Variants in MBD5 observed in about 807,000 individuals in gnomAD.
The protein encoded by MBD5 is methyl-CpG-binding domain protein 5.
A neutral mutation model predicts 117.3 loss-of-function variants in MBD5; 13 were observed. The observed-to-expected ratio is 0.11, with a 90% CI of 0.07 to 0.18. The LOEUF (loss-of-function observed/expected upper bound fraction) is 0.18, where lower values mean the gene tolerates loss of function less well. Among genes scored for constraint, MBD5 ranks in the 10% least tolerant of loss-of-function variants. The pLI is 1.00. For synonymous variants in MBD5, 727 were observed against 766.4 expected (o/e 0.95, Z 0.85); for missense variants, 1,879 against 2,093.8 (o/e 0.90, Z 2.00).
intron 4 of MBD5, among the ~76,000 whole-genome samples, chr2:148,383,784 T>G (rs1559048395): frequency 1.3e-5 from 2 of 152,198 alleles, no homozygotes; most frequent in Non-Finnish European, 2.9e-5. Flanking sequence ...GCTTCATCCC[T>G]GGGATGCAAG....
intron 3 of MBD5, among the ~76,000 whole-genome samples, chr2:148,332,641 A>C (rs1702689006): frequency 6.6e-6 from 1 of 152,058 alleles, no homozygotes; most frequent in Non-Finnish European, 1.5e-5. Flanking sequence ...TTTAGCCTCC[A>C]GTGTTGAAAA....
chr2:148,110,112 C>T (rs1404838308), intron 1 of MBD5, among the ~76,000 whole-genome samples: 2 of 152,106 alleles, frequency 1.3e-5, no homozygotes, highest in African/African-American at 2.4e-5. Flanking sequence ...TTACAATTTA[C>T]TAAGTGCCTT....
At chr2:148,057,584 C>T (rs1259906000) in intron 1 of MBD5, among the ~76,000 whole-genome samples, 1 of 151,624 alleles carries the variant, frequency 6.6e-6, no homozygotes. Context: ...GTATGAAGAC[C>T]TTGTTACTTA....
chr2:148,106,040 GTCCTAGTACA>G (rs1696363057), intron 1 of MBD5, among the ~76,000 whole-genome samples: 1 of 151,764 alleles, frequency 6.6e-6, no homozygotes, highest in Non-Finnish European at 1.5e-5. Flanking sequence ...TTACTTTTTT[GTCCTAGTACA>G]TAATCAAGTT....
chr2:148,139,926 A>C (rs1394010609), intron 1 of MBD5, among the ~76,000 whole-genome samples: 4 of 152,200 alleles, frequency 2.6e-5, no homozygotes, highest in African/African-American at 7.2e-5. Context: ...CTAAGCATGC[A>C]AATTGTAAAA....
intron 3 of MBD5, among the ~76,000 whole-genome samples, chr2:148,318,297 G>GTT (rs375528289): frequency 6.9e-6 from 1 of 144,086 alleles, no homozygotes; most frequent in African/African-American, 2.5e-5. Context: ...ACTTCTTAAT[G>GTT]TTTTTTTTTT....
chr2:148,407,571 A>C (rs1705122328), intron 4 of MBD5, among the ~76,000 whole-genome samples: 2 of 152,172 alleles, frequency 1.3e-5, no homozygotes, highest in South Asian at 2.1e-4. Context: ...TAGTACTCTT[A>C]AATTATAGCA....
chr2:148,447,228 A>G (rs1164371564), intron 4 of MBD5, among the ~76,000 whole-genome samples: 1 of 50,212 alleles, frequency 2.0e-5, no homozygotes, highest in African/African-American at 4.1e-5. Context: ...AGAAAGAAAG[A>G]AAGAAAGGGA....
At chr2:148,464,063 CAAAT>C in intron 7 of MBD5, 144 bp downstream of exon 7, 2 of 885,850 alleles carry the variant, frequency 2.3e-6, no homozygotes, top group Middle Eastern at 3.4e-4. Flanking sequence ...AATTTTATTA[CAAAT>C]AGCAAACTAG....
At chr2:148,337,370 A>G (rs533871145) in intron 3 of MBD5, among the ~76,000 whole-genome samples, 21 of 152,274 alleles carry the variant, frequency 1.4e-4, no homozygotes, top group African/African-American at 5.1e-4. Context: ...TATGGTTTTT[A>G]TCATGTAAGC....
intron 4 of MBD5, among the ~76,000 whole-genome samples, chr2:148,426,114 A>C (rs1705773874): frequency 6.6e-6 from 1 of 152,224 alleles, no homozygotes; most frequent in African/African-American, 2.4e-5. Context: ...GGACCTCTTC[A>C]AGGAGAACTA....
rs891050899 is a variant in MBD5 at position 148,483,464 on chromosome 2, T to C, written c.2873T>C (p.Leu958Ser). The change falls in exon 9 of 14, where the codon TTA becomes TCA. Residue 958 changes from leucine to serine, a missense_variant. This residue lies in a region of MBD5 where 1,666 missense variants were observed against 1,792.2 expected (regional missense o/e 0.93). Coordinates refer to ENST00000642680, the MANE Select transcript of MBD5 (RefSeq NM_001378120.1). ...AAGTCTGAGATCAACCTCCACCCTT[T>C]AGGTTTTCTCAACCCGAATGTAAAC... ...EGKSEINLHP[L>S]GFLNPNVNAA... 2 of 1,614,074 alleles carry C rather than the reference T, an allele frequency of 1.2e-6. No individual in the cohort carries two copies. The highest frequency in any genetic ancestry group is 1.1e-5 in the South Asian group (1 of 91,074).
intron 4 of MBD5, among the ~76,000 whole-genome samples, chr2:148,401,277 A>G (rs1704911948): frequency 6.6e-6 from 1 of 152,078 alleles, no homozygotes; most frequent in African/African-American, 2.4e-5. Flanking sequence ...TTCCTTCAAG[A>G]AATCTTGCGG....
At chr2:148,180,339 TATAC>T (rs1698496522) in intron 2 of MBD5, among the ~76,000 whole-genome samples, 1 of 87,522 alleles carries the variant, frequency 1.1e-5, no homozygotes, top group Admixed American at 1.6e-4. Context: ...AAAAAAAAAT[TATAC>T]ATATATATAT....
intron 4 of MBD5, among the ~76,000 whole-genome samples, chr2:148,417,019 T>A (rs1705439467): frequency 6.6e-6 from 1 of 152,204 alleles, no homozygotes; most frequent in Admixed American, 6.5e-5. Flanking sequence ...ACACCATATT[T>A]TCTTTATCCA....
At chr2:148,176,696 A>G (rs1698398602) in intron 1 of MBD5, among the ~76,000 whole-genome samples, 1 of 152,148 alleles carries the variant, frequency 6.6e-6, no homozygotes, top group Admixed American at 6.5e-5. Context: ...GGCTTGAGCC[A>G]CTACGCCCAG....
At chr2:148,117,408 A>G (rs1308218253) in intron 1 of MBD5, among the ~76,000 whole-genome samples, 1 of 152,156 alleles carries the variant, frequency 6.6e-6, no homozygotes, top group Admixed American at 6.5e-5. Context: ...TGTTTTCTCT[A>G]ACAATAGAAC....
chr2:148,093,386 C>T (rs1403359173), intron 1 of MBD5, among the ~76,000 whole-genome samples: 2 of 152,106 alleles, frequency 1.3e-5, no homozygotes, highest in African/African-American at 4.8e-5. Flanking sequence ...TTTGTATTAT[C>T]AGTCATTTTT....
intron 4 of MBD5, among the ~76,000 whole-genome samples, chr2:148,348,667 A>T (rs1190565254): frequency 6.6e-6 from 1 of 152,040 alleles, no homozygotes; most frequent in Non-Finnish European, 1.5e-5. Flanking sequence ...GTGTAAGTAG[A>T]TTCAATTGTT....
Sources: gnomAD v4.1 joint callset for allele counts (sites outside exome capture counted in the v4.1 genomes callset) on GRCh38, gnomAD v4.1.1 for gene constraint, gnomAD v4.1.1 regional missense constraint, MANE v1.5 for transcripts, NCBI Gene and HGNC (gene_info 2026-07-23, HGNC 2026-07-21) for gene names.